Variants in NTRK3 observed in about 807,000 individuals in gnomAD.
The protein encoded by NTRK3 is neurotrophic receptor tyrosine kinase 3.
NTRK3 carries 24 observed loss-of-function variants against 91.7 expected under a neutral mutation model. The observed-to-expected ratio is 0.26, with a 90% CI of 0.19 to 0.37. The LOEUF is 0.37. NTRK3 is among the 10% of genes least tolerant of loss of function. The probability of loss-of-function intolerance (pLI) is 1.00; values close to 1 mark genes in which losing one functional copy is unlikely to be tolerated. For missense variants in NTRK3, 880 were observed against 1,068.9 expected, an observed-to-expected ratio of 0.82 and a Z score of 2.46; for synonymous variants, 483 against 404.0, an observed-to-expected ratio of 1.20 and a Z score of -2.34.
At chr15:88,136,697 T>C (rs2041909405) in intron 7 of NTRK3, 88 bp from the exon 8 acceptor site, 1 of 1,512,134 alleles carries the variant, frequency 6.6e-7, no homozygotes. Context: ...GTGGCACTTC[T>C]TGCCTTGCCC....
At chr15:88,094,262 CG>C (rs2049338586) in intron 13 of NTRK3, among the ~76,000 whole-genome samples, 3 of 151,426 alleles carry the variant, frequency 2.0e-5, no homozygotes, top group Non-Finnish European at 4.4e-5. Flanking sequence ...GTCAGGAGAT[CG>C]AGACCATCCT....
At position 88,108,365 on chromosome 15, in the gene NTRK3, G is replaced by A. The variant is rs528529192; in HGVS notation, c.1396+17906C>T. ...GGATCTTGGACACACAGCACAAAAGGAAGTTCATTGCCTATTTTCCTCACT... is the reference window on the plus strand; with the variant it reads ...GGATCTTGGACACACAGCACAAAAGAAAGTTCATTGCCTATTTTCCTCACT... On this transcript the variant is annotated intron_variant, in intron 13 of 18. Coordinates refer to ENST00000394480, the Ensembl canonical transcript of NTRK3. Among the ~76,000 whole-genome samples, 5 of 152,282 alleles carry A rather than the reference G, an allele frequency of 3.3e-5. No homozygotes were observed. The South Asian group carries it at 1.0e-3, about 32-fold the overall frequency.
rs867351430 is a variant in NTRK3, at chr15:88,068,587, T to C, written c.1397-35542A>G. On this transcript the variant is annotated intron_variant, in intron 13 of 18. Coordinates refer to ENST00000394480, the Ensembl canonical transcript of NTRK3. ...GCCAAGATATAGGGCTCAGAAAGGA[T>C]AGACAAGGCAAGCAGCTGCTGTGAG... is the stretch of plus-strand genomic sequence containing the variant. Among the ~76,000 whole-genome samples the C allele has an allele frequency of 5.9e-5, 9 of 152,230 alleles. 1 individual carries two copies. The Middle Eastern group carries it at 0.031, about 518-fold the overall frequency.
exon 19 of NTRK3, chr15:87,860,352 T>G: frequency 4.6e-6 from 1 of 218,528 alleles, no homozygotes; most frequent in East Asian, 6.6e-5. Flanking sequence ...TTTGTTTTCT[T>G]TTGAGGTTGG....
intron 17 of NTRK3, among the ~76,000 whole-genome samples, chr15:87,921,537 C>A (rs2067872273): frequency 6.6e-6 from 1 of 152,150 alleles, no homozygotes; most frequent in Admixed American, 6.5e-5. Flanking sequence ...GTGTAGCTGG[C>A]AACTGCTTGC....
At chr15:88,028,217 G>A (rs562706144) in intron 14 of NTRK3, among the ~76,000 whole-genome samples, 3 of 152,278 alleles carry the variant, frequency 2.0e-5, no homozygotes, top group South Asian at 2.1e-4. Flanking sequence ...AGCAGGGGGC[G>A]CCATCCCATG....
intron 3 of NTRK3, among the ~76,000 whole-genome samples, chr15:88,228,619 C>A (rs989160543): frequency 3.9e-5 from 6 of 152,172 alleles, no homozygotes; most frequent in African/African-American, 1.4e-4. Flanking sequence ...CCAGGAAAAC[C>A]CACAGCACAT....
At position 87,886,840 on chromosome 15, in the gene NTRK3, G is replaced by A. The variant is rs78580026; in HGVS notation, c.2134-6412C>T. 5.3e-3 allele frequency among the ~76,000 whole-genome samples: 784 copies of A among 149,128 alleles called. 12 individuals carry two copies. Among genetic ancestry groups the A allele is most frequent in the East Asian group, 0.033 (169 of 5,132 alleles). On this transcript the variant is annotated intron_variant, in intron 17 of 18. Coordinates refer to ENST00000394480, the Ensembl canonical transcript of NTRK3. ...TTAAAAATAGTAAAAAAAAAAGTGC[G>A]AATATAAGGAAACCAGTGGACCTAA...
At chr15:88,043,459 T>C (rs1159451724) in intron 13 of NTRK3, among the ~76,000 whole-genome samples, 3 of 152,202 alleles carry the variant, frequency 2.0e-5, no homozygotes, top group African/African-American at 7.2e-5. Context: ...TTCCCCCAAC[T>C]TCCTGGGGAC....
intron 5 of NTRK3, among the ~76,000 whole-genome samples, chr15:88,149,636 G>A (rs573213656): frequency 2.1e-4 from 32 of 152,324 alleles, no homozygotes; most frequent in African/African-American, 6.5e-4. Context: ...AAGAAGAACT[G>A]CAGTGATGAC....
intron 15 of NTRK3, among the ~76,000 whole-genome samples, chr15:87,934,107 C>T (rs900422898): frequency 1.9e-4 from 29 of 152,148 alleles, no homozygotes; most frequent in African/African-American, 6.5e-4. Flanking sequence ...ATCTGAAGGA[C>T]CTTGGTTAGG....
chr15:88,083,198 G>A (rs1460190158), intron 13 of NTRK3, among the ~76,000 whole-genome samples: 4 of 152,084 alleles, frequency 2.6e-5, no homozygotes, highest in African/African-American at 9.7e-5. Flanking sequence ...TCTGTTCCTG[G>A]CCACAGGAGA....
At chr15:88,158,752 C>G (rs1350461918) in intron 5 of NTRK3, among the ~76,000 whole-genome samples, 1 of 151,974 alleles carries the variant, frequency 6.6e-6, no homozygotes, top group Non-Finnish European at 1.5e-5. Flanking sequence ...AGATGCTGGG[C>G]CTTTTCACCC....
intron 14 of NTRK3, among the ~76,000 whole-genome samples, chr15:87,996,944 G>A (rs2075749005): frequency 6.6e-6 from 1 of 152,218 alleles, no homozygotes; most frequent in Admixed American, 6.5e-5. Context: ...ACTGCCTTAA[G>A]AGGCAGGAGA....
chr15:88,062,639 C>A (rs983102351), intron 13 of NTRK3, among the ~76,000 whole-genome samples: 7 of 152,240 alleles, frequency 4.6e-5, no homozygotes, highest in African/African-American at 1.4e-4. Context: ...AAAATAAAAA[C>A]CTTGGACTGC....
intron 16 of NTRK3, among the ~76,000 whole-genome samples, 185 bp downstream of exon 16, chr15:87,932,827 A>T (rs569023564): frequency 4.6e-5 from 7 of 152,302 alleles, no homozygotes; most frequent in African/African-American, 1.4e-4. Context: ...TTTCCCTACA[A>T]ACCGGGGACA....
exon 17 of NTRK3, chr15:87,929,334 C>T (rs371959662): frequency 1.7e-5 from 28 of 1,614,026 alleles, no homozygotes; most frequent in African/African-American, 2.7e-5. Context: ...ATACCCGAGG[C>T]GATCTGACTG....
chr15:88,139,300 G>C (rs964673229), intron 6 of NTRK3, among the ~76,000 whole-genome samples: 1 of 152,202 alleles, frequency 6.6e-6, no homozygotes, highest in Non-Finnish European at 1.5e-5. Flanking sequence ...GGATAAATCT[G>C]AATGCCTGGA....
At chr15:88,222,898 C>T (rs376882311) in intron 3 of NTRK3, among the ~76,000 whole-genome samples, 42 of 152,294 alleles carry the variant, frequency 2.8e-4, no homozygotes, top group East Asian at 5.8e-4. Context: ...CAGGCAGCGG[C>T]GAAGTGAGAC....
Sources: allele counts gnomAD v4.1 joint callset (sites outside exome capture counted in the v4.1 genomes callset), GRCh38; gene constraint gnomAD v4.1.1; transcripts MANE v1.5; gene names NCBI Gene and HGNC (gene_info 2026-07-23, HGNC 2026-07-21).